TMEM132B: variants seen among roughly 807,000 people sequenced by gnomAD.
TMEM132B encodes transmembrane protein 132B.
Under a neutral mutation model 90.8 loss-of-function variants are expected in TMEM132B, and 18 were observed. The observed-to-expected ratio is 0.20, with a 90% CI of 0.14 to 0.29. The LOEUF (loss-of-function observed/expected upper bound fraction) is 0.29, where lower values mean the gene tolerates loss of function less well. TMEM132B is among the 10% of genes least tolerant of loss of function. The probability of loss-of-function intolerance (pLI) is 1.00; values close to 1 mark genes in which losing one functional copy is unlikely to be tolerated. For synonymous variants in TMEM132B, 504 were observed against 523.3 expected (o/e 0.96, Z 0.50); for missense variants, 1,096 against 1,326.8 (o/e 0.83, Z 2.70).
intron 3 of TMEM132B, among the ~76,000 whole-genome samples, chr12:125,512,728 A>G (rs1381412310): frequency 1.1e-4 from 17 of 152,212 alleles, no homozygotes; most frequent in Admixed American, 1.1e-3. Flanking sequence ...GCATACTCAG[A>G]GAAAGCAGAA....
chr12:125,339,422 T>C (rs890749309), intron 1 of TMEM132B, among the ~76,000 whole-genome samples: 2 of 151,864 alleles, frequency 1.3e-5, no homozygotes, highest in Non-Finnish European at 2.9e-5. Flanking sequence ...CCAATTGAAC[T>C]GGGGGCTCTT....
At chr12:125,565,956 T>G (rs1445312611) in intron 4 of TMEM132B, among the ~76,000 whole-genome samples, 1 of 152,210 alleles carries the variant, frequency 6.6e-6, no homozygotes, top group Non-Finnish European at 1.5e-5. Flanking sequence ...ATTTCCCTGT[T>G]TCTTGTTCAT....
At chr12:125,485,794 C>T (rs914107059) in intron 3 of TMEM132B, among the ~76,000 whole-genome samples, 2 of 152,186 alleles carry the variant, frequency 1.3e-5, no homozygotes, top group African/African-American at 4.8e-5. Flanking sequence ...CTCTACACAG[C>T]TACCATTGGC....
At chr12:125,369,744 G>C (rs937940267) in intron 2 of TMEM132B, among the ~76,000 whole-genome samples, 3 of 152,206 alleles carry the variant, frequency 2.0e-5, no homozygotes, top group South Asian at 2.1e-4. Context: ...GAGGTCATTG[G>C]TAACTTTAAT....
chr12:125,293,958 G>C (rs571079051), intron 1 of TMEM132B, among the ~76,000 whole-genome samples: 1 of 152,122 alleles, frequency 6.6e-6, no homozygotes, highest in Non-Finnish European at 1.5e-5. Context: ...TTTCCTCCTG[G>C]AGCCCAGCTG....
chr12:125,269,384 C>T (rs1874769587), intron 1 of TMEM132B, among the ~76,000 whole-genome samples: 2 of 152,150 alleles, frequency 1.3e-5, no homozygotes, highest in Non-Finnish European at 2.9e-5. Flanking sequence ...AGGCAGGCAG[C>T]CTTTCTGGTT....
chr12:125,389,904 ACCC>A (rs1878959840), intron 2 of TMEM132B, among the ~76,000 whole-genome samples: 1 of 152,240 alleles, frequency 6.6e-6, no homozygotes, highest in Non-Finnish European at 1.5e-5. Context: ...ATAGACATAT[ACCC>A]ACAGACAGTA....
chr12:125,618,255 G>A (rs999972839), intron 5 of TMEM132B, among the ~76,000 whole-genome samples: 65 of 152,060 alleles, frequency 4.3e-4, no homozygotes, highest in African/African-American at 1.4e-3. Context: ...AGGGTTATTC[G>A]GCCATAGTAG....
At chr12:125,225,405 G>T (rs1365542913) in intron 1 of TMEM132B, among the ~76,000 whole-genome samples, 1 of 152,200 alleles carries the variant, frequency 6.6e-6, no homozygotes, top group Non-Finnish European at 1.5e-5. Context: ...TCTGAGATCA[G>T]GTCCCTGTGT....
At chr12:125,296,574 C>A (rs1875677634) in intron 1 of TMEM132B, among the ~76,000 whole-genome samples, 1 of 152,198 alleles carries the variant, frequency 6.6e-6, no homozygotes. Context: ...AATCTACTTG[C>A]TCTGTTTATG....
At chr12:125,573,992 A>G (rs568177442) in intron 4 of TMEM132B, among the ~76,000 whole-genome samples, 23 of 152,216 alleles carry the variant, frequency 1.5e-4, no homozygotes, top group Non-Finnish European at 3.1e-4. Flanking sequence ...AATATTTTAT[A>G]CTGTGGACCT....
chr12:125,233,080 G>C (rs772791521), intron 1 of TMEM132B, among the ~76,000 whole-genome samples: 1 of 152,092 alleles, frequency 6.6e-6, no homozygotes, highest in Non-Finnish European at 1.5e-5. Flanking sequence ...TGTTTCCCTA[G>C]GTAGGTCAGT....
intron 2 of TMEM132B, among the ~76,000 whole-genome samples, chr12:125,377,800 G>T (rs892448735): frequency 5.3e-5 from 8 of 152,122 alleles, no homozygotes; most frequent in Admixed American, 2.6e-4. Context: ...AACTCTGGCT[G>T]CTTGCTATGG....
chr12:125,308,273 C>T (rs1876043667), intron 1 of TMEM132B, among the ~76,000 whole-genome samples: 1 of 151,862 alleles, frequency 6.6e-6, no homozygotes, highest in Non-Finnish European at 1.5e-5. Context: ...TATTTTCCCT[C>T]AACAATGCAT....
chr12:125,264,574 C>T (rs1379675105), intron 1 of TMEM132B, among the ~76,000 whole-genome samples: 1 of 152,148 alleles, frequency 6.6e-6, no homozygotes, highest in Non-Finnish European at 1.5e-5. Context: ...GTGGGAGGAA[C>T]ATTACCAGTT....
chr12:125,554,865 C>G (rs1274686851), intron 4 of TMEM132B, among the ~76,000 whole-genome samples: 1 of 152,100 alleles, frequency 6.6e-6, no homozygotes, highest in African/African-American at 2.4e-5. Flanking sequence ...CTTTGTATTT[C>G]TTTGCTGCAC....
At chr12:125,336,363 G>A (rs1876960720) in intron 1 of TMEM132B, among the ~76,000 whole-genome samples, 1 of 152,172 alleles carries the variant, frequency 6.6e-6, no homozygotes, top group African/African-American at 2.4e-5. Context: ...ACCCAACACA[G>A]GTACCGAGGC....
At chr12:125,439,108 T>G (rs960997529) in intron 3 of TMEM132B, among the ~76,000 whole-genome samples, 1 of 152,164 alleles carries the variant, frequency 6.6e-6, no homozygotes, top group Non-Finnish European at 1.5e-5. Flanking sequence ...TCTACAGCTT[T>G]GTTCTTTTTG....
chr12:125,512,694 C>T (rs111790948), intron 3 of TMEM132B, among the ~76,000 whole-genome samples: 32 of 152,150 alleles, frequency 2.1e-4, no homozygotes, highest in African/African-American at 7.0e-4. Context: ...GACTGCCAAC[C>T]GCTGCCTGCC....
Sources: gnomAD v4.1 joint callset for allele counts (sites outside exome capture counted in the v4.1 genomes callset) on GRCh38, gnomAD v4.1.1 for gene constraint, MANE v1.5 for transcripts, NCBI Gene and HGNC (gene_info 2026-07-23, HGNC 2026-07-21) for gene names.